The following PCDHGA11 variants were observed in gnomAD, a reference collection of about 807,000 sequenced individuals.
PCDHGA11 encodes protocadherin gamma-A11.
Under a neutral mutation model 60.4 loss-of-function variants are expected in PCDHGA11, and 39 were observed. The ratio of observed to expected loss-of-function variants is 0.65; its 90% CI spans 0.50 to 0.84. PCDHGA11 has a LOEUF of 0.84. PCDHGA11 is among the 40% of genes least tolerant of loss of function. The pLI is 0.00. For missense variants in PCDHGA11, 1,165 were observed against 1,197.7 expected (o/e 0.97, Z 0.40); for synonymous variants, 533 against 510.3 (o/e 1.04, Z -0.60).
chr5:141,468,505 C>A (rs1293623271), intron 1 of PCDHGA11: 1 of 152,020 alleles, frequency 6.6e-6, no homozygotes, highest in East Asian at 1.9e-4. Context: ...TTCATGTGGA[C>A]AAATTTAGTA....
rs755936344 is a variant in PCDHGA11, at chr5:141,490,704, C to T, written c.2434-4103C>T. ...ATCCAGACACTGGGGATAATGCCCG[C>T]CTCACCTACTCCATTGTAGGAAATC... On this transcript the variant is annotated intron_variant, in intron 1 of 3. Transcript: ENST00000398587. The surrounding 1 kb of genome is among the most constrained non-coding windows in gnomAD (Gnocchi z 5.4). 6.2e-7 allele frequency: 1 copy of T among 1,614,166 alleles called. No homozygotes were observed.
intron 1 of PCDHGA11, chr5:141,478,874 A>G: frequency 1.6e-6 from 2 of 1,276,696 alleles, no homozygotes; most frequent in Non-Finnish European, 2.1e-6. Flanking sequence ...ATCAGAGTTT[A>G]GCTTGGTATC....
chr5:141,460,936 A>G (rs189741735), intron 1 of PCDHGA11, among the ~76,000 whole-genome samples: 31 of 149,318 alleles, frequency 2.1e-4, no homozygotes, highest in Non-Finnish European at 3.8e-4. Flanking sequence ...GTGTGTGTGT[A>G]TATATATGTA....
chr5:141,478,145 T>C (rs1252008984), intron 1 of PCDHGA11: 1 of 1,614,026 alleles, frequency 6.2e-7, no homozygotes. Context: ...CCGAGCCGAG[T>C]TCCCCTCTGG....
At position 141,490,258 on chromosome 5, in the gene PCDHGA11, G is replaced by A. The variant is rs776865457; in HGVS notation, c.2434-4549G>A. Reference sequence around the variant, plus strand: ...GGGCCACTGTGTGATTCAAGTGGATGTGGGGGATGTCAATGACAATGCCCC... The same window carrying A: ...GGGCCACTGTGTGATTCAAGTGGATATGGGGGATGTCAATGACAATGCCCC... On this transcript the variant is annotated intron_variant, in intron 1 of 3. Transcript: ENST00000398587. The surrounding 1 kb of genome is among the most constrained non-coding windows in gnomAD (Gnocchi z 5.4). 6.2e-7 allele frequency: 1 copy of A among 1,614,136 alleles called. No homozygotes were observed.
At position 141,423,510 on chromosome 5, in the gene PCDHGA11, TGCGGACTC is replaced by T; in HGVS notation, c.2286_2293del (p.Asp763GlufsTer22). Reference sequence around the variant, plus strand: ...CCTATTCCCACGAGGTCTCTCTCATTGCGGACTCGCAGAAGAGTCACCTGATTTTCCCC... The same window carrying T: ...CCTATTCCCACGAGGTCTCTCTCATTGCAGAAGAGTCACCTGATTTTCCCC... On this transcript the variant is annotated frameshift_variant, in exon 1 of 4. Transcript: ENST00000398587. LOFTEE classifies it high-confidence loss of function. The T allele has an allele frequency of 6.2e-7, 1 of 1,613,792 alleles. No individual in the cohort carries two copies. Among genetic ancestry groups the T allele is most frequent in the South Asian group, 1.1e-5 (1 of 91,072 alleles).
intron 1 of PCDHGA11, among the ~76,000 whole-genome samples, chr5:141,457,067 G>A (rs946526462): frequency 1.3e-5 from 2 of 152,166 alleles, no homozygotes; most frequent in Non-Finnish European, 2.9e-5. Flanking sequence ...CTTTTTGCCA[G>A]TAACTATTAT....
intron 1 of PCDHGA11, among the ~76,000 whole-genome samples, chr5:141,474,082 CA>C (rs1449032579): frequency 1.3e-5 from 2 of 151,946 alleles, no homozygotes; most frequent in Non-Finnish European, 2.9e-5. Flanking sequence ...AAACAAAAAC[CA>C]AAAAACAAAC....
rs767107885 is a variant in PCDHGA11 at position 141,423,138 on chromosome 5, C to G, written c.1911C>G (p.Asp637Glu). The G allele has an allele frequency of 1.2e-6, 2 of 1,613,606 alleles. No homozygotes were observed. Among genetic ancestry groups the G allele is most frequent in the Non-Finnish European group, 1.7e-6 (2 of 1,179,912 alleles). ...CAGCGCGGGCACTGCTGGACAGAGA[C>G]GCGCTCAAGCAGAGCCTCGTGGTGG... Reference protein sequence around the residue: ...VRTARALLDRDALKQSLVVAV... With the variant: ...VRTARALLDREALKQSLVVAV... The change falls in exon 1 of 4, where the codon GAC becomes GAG. Residue 637 changes from aspartate to glutamate, a missense_variant. Coordinates refer to ENST00000398587, the MANE Select transcript of PCDHGA11 (RefSeq NM_018914.3).
chr5:141,446,639 G>T (rs1461520959), intron 1 of PCDHGA11, among the ~76,000 whole-genome samples: 7 of 152,116 alleles, frequency 4.6e-5, no homozygotes, highest in Non-Finnish European at 8.8e-5. Flanking sequence ...ACCACGCCTG[G>T]CTAATTTTTG....
In PCDHGA11 at chr5:141,505,470, C is replaced by G; in HGVS notation, c.2570C>G (p.Ala857Gly). 6.2e-7 allele frequency: 1 copy of G among 1,614,186 alleles called. No individual in the cohort carries two copies. Among genetic ancestry groups the G allele is most frequent in the Non-Finnish European group, 8.5e-7 (1 of 1,180,002 alleles). Residue 857 changes from alanine to glycine, a missense_variant, in exon 3 of 4, where the codon GCG (alanine) becomes GGG (glycine). Ala to Gly is a moderately conservative substitution (Grantham distance 60). Transcript: ENST00000398587. ...GAGATGCTGCAAGCCATGATCTTGG[C>G]GTCCGCCAGTGGTAAGTGGTGTCAG... The part of the protein sequence containing the change: ...DTEMLQAMIL[A>G]SASEAADGSS...
At chr5:141,460,951 G>GTATATATA (rs200454978) in intron 1 of PCDHGA11, among the ~76,000 whole-genome samples, 42 of 139,772 alleles carry the variant, frequency 3.0e-4, no homozygotes, top group African/African-American at 1.1e-3. Context: ...TATGTATTAT[G>GTATATATA]TATATATATA....
Position 141,476,376 on chromosome 5 carries a change from T to C in PCDHGA11, c.2434-18431T>C. ...GTGAACCGGGAGACCGGAGAGATGT[T>C]TGTGAACGACCGTCTGGATCGAGAG... On this transcript the variant is annotated intron_variant, in intron 1 of 3. Coordinates refer to ENST00000398587, the MANE Select transcript of PCDHGA11 (RefSeq NM_018914.3). The surrounding 1 kb of genome is among the most constrained non-coding windows in gnomAD (Gnocchi z 7.6). The C allele has an allele frequency of 6.2e-7, 1 of 1,614,060 alleles. No homozygotes were observed. Among genetic ancestry groups the C allele is most frequent in the Non-Finnish European group, 8.5e-7 (1 of 1,180,004 alleles).
intron 1 of PCDHGA11, among the ~76,000 whole-genome samples, chr5:141,430,346 C>G (rs1191705310): frequency 6.8e-6 from 1 of 148,074 alleles, no homozygotes; most frequent in Non-Finnish European, 1.5e-5. Context: ...ACTTCCAATT[C>G]ATTTAAAAGC....
chr5:141,465,413 G>A (rs996581829), intron 1 of PCDHGA11, among the ~76,000 whole-genome samples: 1 of 152,174 alleles, frequency 6.6e-6, no homozygotes, highest in Non-Finnish European at 1.5e-5. Context: ...AGCCAAATCA[G>A]CACTGAAAGG....
Position 141,432,108 on chromosome 5 carries a change from C to T in PCDHGA11, c.2433+8448C>T, listed in dbSNP as rs1432933024. The T allele has an allele frequency of 1.9e-6, 3 of 1,614,180 alleles. No homozygotes were observed. The highest frequency in any genetic ancestry group is 1.7e-5 in the Admixed American group (1 of 60,020). Reference sequence around the variant, plus strand: ...GTGGCAGACACCAACGACAACCCGCCGGTCTTCCCTCAGGCCTCCTATTCC... The same window carrying T: ...GTGGCAGACACCAACGACAACCCGCTGGTCTTCCCTCAGGCCTCCTATTCC... On this transcript the variant is annotated intron_variant, in intron 1 of 3. Coordinates refer to ENST00000398587, the MANE Select transcript of PCDHGA11 (RefSeq NM_018914.3). The surrounding 1 kb of genome is among the most constrained non-coding windows in gnomAD (Gnocchi z 6.0).
chr5:141,500,139 CT>C (rs2099796692), intron 2 of PCDHGA11, among the ~76,000 whole-genome samples: 2 of 151,768 alleles, frequency 1.3e-5, no homozygotes, highest in East Asian at 3.9e-4. Context: ...TCTTTCTAAA[CT>C]TTTCTTTGTG....
At chr5:141,468,154 G>A (rs1374898668) in intron 1 of PCDHGA11, among the ~76,000 whole-genome samples, 2 of 151,838 alleles carry the variant, frequency 1.3e-5, no homozygotes, top group African/African-American at 2.4e-5. Flanking sequence ...GTGAAACCCT[G>A]TCTCTGCTAA....
At position 141,495,662 on chromosome 5, in the gene PCDHGA11, C is replaced by T. The variant is rs545912968; in HGVS notation, c.2492+797C>T. The stretch of plus-strand genomic sequence containing the variant: ...TTTGTCTACTTGCATTGATCTGTGC[C>T]GCCCACTGTGCCTGCCATGGCATAA... On this transcript the variant is annotated intron_variant, in intron 2 of 3. Coordinates refer to ENST00000398587, the MANE Select transcript of PCDHGA11 (RefSeq NM_018914.3). Among the ~76,000 whole-genome samples, 8 of 152,256 alleles carry T rather than the reference C, an allele frequency of 5.3e-5. No individual in the cohort carries two copies. In the South Asian group the frequency reaches 6.2e-4, roughly 12 times the overall value.
Sources: gnomAD v4.1 joint callset for allele counts (sites outside exome capture counted in the v4.1 genomes callset) on GRCh38, gnomAD v4.1.1 for gene constraint, Gnocchi (gnomAD v3.1) non-coding constraint, MANE v1.5 for transcripts, NCBI Gene and HGNC (gene_info 2026-07-23, HGNC 2026-07-21) for gene names.